Variants in MYOC observed in about 807,000 individuals in gnomAD.
The protein encoded by MYOC is juvenile-onset open-angle glaucoma 1.
MYOC carries 29 observed loss-of-function variants against 28.2 expected under a neutral mutation model. That is an observed-to-expected ratio of 1.03 (90% CI 0.77 to 1.40). The LOEUF (loss-of-function observed/expected upper bound fraction) is 1.40. MYOC is among the 40% of genes most tolerant of loss of function. The pLI is 0.00. For synonymous variants in MYOC, 240 were observed against 245.6 expected (o/e 0.98, Z 0.21); for missense variants, 569 against 620.6 (o/e 0.92, Z 0.88).
At chr1:171,638,792 T>C (rs1652994769) in intron 1 of MYOC, 70 bp from the exon 2 acceptor site, 3 of 1,575,940 alleles carry the variant, frequency 1.9e-6, no homozygotes, top group Non-Finnish European at 2.6e-6. Flanking sequence ...ATGTTGAGGA[T>C]GACATTTAAA....
At chr1:171,651,495 C>T (rs1653352025) in intron 1 of MYOC, among the ~76,000 whole-genome samples, 1 of 152,148 alleles carries the variant, frequency 6.6e-6, no homozygotes. Context: ...TTCAGAACAA[C>T]ATATTAAGAA....
rs12082573 is a variant in MYOC at position 171,652,573 on chromosome 1, A to C, written c.39T>G (p.Pro13=). The C allele has an allele frequency of 4.0e-3, 6,534 of 1,614,184 alleles. 231 individuals carry two copies. The African/African-American group carries it at 0.073, about 18-fold the overall frequency. ...FFCARCCSFG[P]EMPAVQLLLL... is the part of the protein sequence containing the mutation. The stretch of plus-strand genomic sequence containing the variant: ...GCAGCAGCTGGACAGCTGGCATCTC[A>C]GGCCCAAAGCTGCAGCAACGTGCAC... The change falls in exon 1 of 3, where the codon CCT becomes CCG. Residue 13 remains proline, a synonymous_variant. Transcript: ENST00000037502.
At chr1:171,647,558 G>C (rs1448595656) in intron 1 of MYOC, among the ~76,000 whole-genome samples, 1 of 151,894 alleles carries the variant, frequency 6.6e-6, no homozygotes, top group Non-Finnish European at 1.5e-5. Context: ...AAAAACAATA[G>C]TGGAACTCAA....
intron 1 of MYOC, among the ~76,000 whole-genome samples, chr1:171,648,984 G>T (rs7548037): frequency 6.6e-6 from 1 of 150,898 alleles, no homozygotes; most frequent in Non-Finnish European, 1.5e-5. Context: ...ACCACACTTG[G>T]CTAATTGTAT....
intron 1 of MYOC, among the ~76,000 whole-genome samples, chr1:171,647,499 G>C (rs747006131): frequency 4.6e-5 from 7 of 152,126 alleles, no homozygotes; most frequent in Non-Finnish European, 7.4e-5. Flanking sequence ...ACTCCAGCCT[G>C]GTGATAGAGC....
At chr1:171,643,151 C>T (rs1448914827) in intron 1 of MYOC, among the ~76,000 whole-genome samples, 1 of 152,178 alleles carries the variant, frequency 6.6e-6, no homozygotes, top group East Asian at 1.9e-4. Flanking sequence ...AGGAGGGTAT[C>T]CAGGGCAGGG....
chr1:171,644,156 A>C (rs369968865), intron 1 of MYOC, among the ~76,000 whole-genome samples: 48 of 152,216 alleles, frequency 3.2e-4, no homozygotes, highest in African/African-American at 1.1e-3. Context: ...ATTTCTCTGG[A>C]ATGTTTCAAA....
At position 171,636,436 on chromosome 1, in the gene MYOC, T is replaced by A. The variant is rs909669034; in HGVS notation, c.1004A>T (p.Tyr335Phe). 6 of 1,613,950 alleles carry A rather than the reference T, an allele frequency of 3.7e-6. No homozygotes were observed. Among genetic ancestry groups the A allele is most frequent in the Non-Finnish European group, 5.1e-6 (6 of 1,180,014 alleles). ...TGAVVYSGSL[Y>F]FQGAESRTVI... is the part of the protein sequence containing the mutation. ...AGTTCTGGACTCAGCGCCCTGGAAATAGAGGCTCCCCGAGTACACCACAGC... is the reference window on the plus strand; with the variant it reads ...AGTTCTGGACTCAGCGCCCTGGAAAAAGAGGCTCCCCGAGTACACCACAGC... The change falls in exon 3 of 3, where the codon TAT (tyrosine) becomes TTT (phenylalanine). Residue 335 changes from tyrosine (Y) to phenylalanine (F), a missense_variant. Tyr to Phe is a conservative substitution (Grantham distance 22). Transcript: ENST00000037502.
intron 1 of MYOC, among the ~76,000 whole-genome samples, chr1:171,642,887 T>TAAAA (rs151128602): frequency 2.3e-3 from 287 of 126,112 alleles, no homozygotes; most frequent in African/African-American, 7.9e-3. Flanking sequence ...TAGTCTATGT[T>TAAAA]TAAAAAAAAA....
intron 1 of MYOC, among the ~76,000 whole-genome samples, chr1:171,647,313 C>T (rs1168634847): frequency 2.6e-5 from 4 of 151,790 alleles, no homozygotes; most frequent in African/African-American, 4.8e-5. Context: ...ATCACGAGGT[C>T]GGGAGTTCAA....
At chr1:171,649,567 C>T (rs757896176) in intron 1 of MYOC, among the ~76,000 whole-genome samples, 1 of 151,594 alleles carries the variant, frequency 6.6e-6, no homozygotes, top group Non-Finnish European at 1.5e-5. Flanking sequence ...AGGCCGAGGT[C>T]GGCAGATCAC....
chr1:171,636,224 G>A lies in MYOC; in HGVS notation c.1216C>T (p.Leu406=). 6.2e-7 allele frequency: 1 copy of A among 1,614,196 alleles called. No individual in the cohort carries two copies. Among genetic ancestry groups the A allele is most frequent in the Non-Finnish European group, 8.5e-7 (1 of 1,180,034 alleles). Reference sequence around the variant, plus strand: ...TCGAGTTCCAGATTCTCTGGGTTCAGTTTGGAGAGGACAATGGCACCTTTG... The same window carrying A: ...TCGAGTTCCAGATTCTCTGGGTTCAATTTGGAGAGGACAATGGCACCTTTG... ...EAKGAIVLSK[L]NPENLELEQT... The change falls in exon 3 of 3, where the codon CTG becomes TTG. Residue 406 remains leucine, a synonymous_variant. Coordinates refer to ENST00000037502, the MANE Select transcript of MYOC (RefSeq NM_000261.2).
At chr1:171,638,456 C>G in intron 2 of MYOC, 141 bp downstream of exon 2, 1 of 952,702 alleles carries the variant, frequency 1.0e-6, no homozygotes, top group East Asian at 2.5e-5. Context: ...TTCTGTTCCT[C>G]TTCTCCTCCC....
At chr1:171,643,013 C>T (rs1446646552) in intron 1 of MYOC, among the ~76,000 whole-genome samples, 1 of 152,006 alleles carries the variant, frequency 6.6e-6, no homozygotes, top group Non-Finnish European at 1.5e-5. Flanking sequence ...GTTTCTTGGA[C>T]AATCTGAATG....
At chr1:171,647,076 A>C (rs995551974) in intron 1 of MYOC, among the ~76,000 whole-genome samples, 1 of 152,252 alleles carries the variant, frequency 6.6e-6, no homozygotes, top group Non-Finnish European at 1.5e-5. Flanking sequence ...CTAATTATCT[A>C]CAGGTTGTCA....
intron 1 of MYOC, among the ~76,000 whole-genome samples, chr1:171,642,529 T>C (rs1169045286): frequency 6.6e-6 from 1 of 151,292 alleles, no homozygotes; most frequent in Non-Finnish European, 1.5e-5. Context: ...GGAAGATGAC[T>C]CTTGAGTCCA....
intron 2 of MYOC, among the ~76,000 whole-genome samples, chr1:171,637,682 G>A (rs906920541): frequency 1.9e-4 from 28 of 150,982 alleles, no homozygotes; most frequent in African/African-American, 6.6e-4. Flanking sequence ...GTGTGATCTC[G>A]GCTCACTGCA....
chr1:171,637,973 T>G (rs1652969480), intron 2 of MYOC, among the ~76,000 whole-genome samples: 1 of 152,184 alleles, frequency 6.6e-6, no homozygotes, highest in Non-Finnish European at 1.5e-5. Flanking sequence ...AACACTTTGC[T>G]GCTCATATCT....
chr1:171,647,502 G>A (rs1216801728), intron 1 of MYOC, among the ~76,000 whole-genome samples: 5 of 151,460 alleles, frequency 3.3e-5, no homozygotes, highest in Admixed American at 6.6e-5. Flanking sequence ...CCAGCCTGGT[G>A]ATAGAGCGAG....
Sources: allele counts gnomAD v4.1 joint callset (sites outside exome capture counted in the v4.1 genomes callset), GRCh38; gene constraint gnomAD v4.1.1; transcripts MANE v1.5; gene names NCBI Gene and HGNC (gene_info 2026-07-23, HGNC 2026-07-21).